The following TRIM36 variants were observed in gnomAD, a reference collection of about 807,000 sequenced individuals.
TRIM36 encodes E3 ubiquitin-protein ligase TRIM36.
In TRIM36, 42 loss-of-function variants were observed where a neutral mutation model predicts 72.4. The ratio of observed to expected loss-of-function variants is 0.58; its 90% CI spans 0.45 to 0.75. The LOEUF is 0.75. Ranked by LOEUF, TRIM36 falls within the 30% of genes least tolerant of loss-of-function variation. The pLI, the probability that TRIM36 is intolerant of heterozygous loss-of-function variation, is 0.00. For synonymous variants in TRIM36, 315 were observed against 282.8 expected (o/e 1.11, Z -1.14); for missense variants, 913 against 857.1 (o/e 1.07, Z -0.81).
chr5:115,172,488 C>T (rs6594880), upstream of TRIM36, among the ~76,000 whole-genome samples: 2,955 of 152,258 alleles, frequency 0.019, 91 homozygotes, highest in African/African-American at 0.067. Context: ...GTAATCCCAG[C>T]GCTTTGGGAG....
intron 9 of TRIM36, 113 bp downstream of exon 9, chr5:115,130,479 A>C: frequency 1.6e-6 from 2 of 1,257,254 alleles, no homozygotes; most frequent in East Asian, 5.0e-5. Flanking sequence ...CCACAGCCAA[A>C]ATACTAGAAT....
rs759060386 is a variant in TRIM36 at position 115,133,996 on chromosome 5, T to G, written c.1362A>C (p.Ile454=). 1 of 1,613,984 alleles carries G rather than the reference T, an allele frequency of 6.2e-7. No homozygotes were observed. Among genetic ancestry groups the G allele is most frequent in the Non-Finnish European group, 8.5e-7 (1 of 1,179,956 alleles). ...NRDDEMSWNE[I]EVCGTSKIIQ... ...TTATTTTACTTGTTCCACACACTTC[T>G]ATCTCATTCCATGACATTTCATCAT... Residue 454 remains isoleucine, a synonymous_variant, in exon 8 of 10, where the codon ATA becomes ATC. Coordinates refer to ENST00000513154, the MANE Select transcript of TRIM36 (RefSeq NM_001300759.2).
At chr5:115,131,550 C>G (rs1279400369) in intron 8 of TRIM36, among the ~76,000 whole-genome samples, 2 of 151,994 alleles carry the variant, frequency 1.3e-5, no homozygotes, top group East Asian at 3.9e-4. Context: ...GGCTGCTAGC[C>G]AATGGGGAAA....
At chr5:115,179,827 TG>T in intron 1 of TRIM36, 1 of 713,452 alleles carries the variant, frequency 1.4e-6, no homozygotes, top group Non-Finnish European at 2.4e-6. Context: ...CCGCAGCTGC[TG>T]GGACGCCCGG....
chr5:115,130,434 A>AT (rs1752613294), intron 9 of TRIM36, among the ~76,000 whole-genome samples, 158 bp downstream of exon 9: 1 of 152,220 alleles, frequency 6.6e-6, no homozygotes, highest in East Asian at 1.9e-4. Context: ...TCAATGTGTG[A>AT]TTACAAGAAT....
chr5:115,170,379 C>T (rs1755048942), upstream of TRIM36, among the ~76,000 whole-genome samples: 1 of 152,220 alleles, frequency 6.6e-6, no homozygotes, highest in African/African-American at 2.4e-5. Context: ...TTCGAAGCCC[C>T]GCTTCCAGGC....
In TRIM36 at chr5:115,126,672, T is replaced by C. The variant is rs1456167316; in HGVS notation, c.1982A>G (p.Asp661Gly). The stretch of plus-strand genomic sequence containing the variant: ...ATCATAGAAATCTACTTTGCCTTTA[T>C]CACAGTCAAGGAAAATCCCAATACT... ...PTSIGIFLDC[D>G]KGKVDFYDMD... Residue 661 changes from aspartate (D) to glycine (G), a missense_variant, in exon 10 of 10, where the codon GAT becomes GGT. Transcript: ENST00000513154. The C allele has an allele frequency of 6.2e-7, 1 of 1,614,202 alleles. No homozygotes were observed. The highest frequency in any genetic ancestry group is 8.5e-7 in the Non-Finnish European group (1 of 1,180,026).
chr5:115,155,790 A>T (rs770504439), intron 2 of TRIM36, among the ~76,000 whole-genome samples: 12 of 152,238 alleles, frequency 7.9e-5, no homozygotes, highest in Non-Finnish European at 1.6e-4. Flanking sequence ...CCCTTCTTCA[A>T]TATAGTACTG....
rs572913711 is a variant in TRIM36, at chr5:115,126,738, G to C, written c.1916C>G (p.Ser639Cys). ...AACTCTATTTTCAGGTTCATTAGAA[G>C]AAGTAGGTGACTTGGGTATAAAAAA... ...QKFFIPKSPT[S>C]SNEPENRVLP... Residue 639 changes from serine (S) to cysteine (C), a missense_variant, in exon 10 of 10, where the codon TCT becomes TGT. Ser to Cys is a moderately radical substitution (Grantham distance 112). Transcript: ENST00000513154. The C allele has an allele frequency of 2.3e-5, 37 of 1,614,144 alleles. No individual in the cohort carries two copies. The South Asian group carries it at 3.7e-4, about 16-fold the overall frequency.
intron 3 of TRIM36, among the ~76,000 whole-genome samples, chr5:115,145,992 A>G (rs1385331409): frequency 6.6e-6 from 1 of 152,236 alleles, no homozygotes; most frequent in African/African-American, 2.4e-5. Flanking sequence ...TACTTGAAAA[A>G]TGAAATGTTT....
intron 5 of TRIM36, among the ~76,000 whole-genome samples, chr5:115,139,845 T>A (rs1753182349): frequency 6.6e-6 from 1 of 152,216 alleles, no homozygotes; most frequent in African/African-American, 2.4e-5. Flanking sequence ...CATGAATACT[T>A]GACACCTAAG....
intron 4 of TRIM36, among the ~76,000 whole-genome samples, chr5:115,141,814 CAA>C (rs983063416): frequency 7.2e-5 from 11 of 152,142 alleles, no homozygotes; most frequent in Middle Eastern, 3.4e-3. Context: ...GGAGTAGCAA[CAA>C]AGAGACTTCC....
At chr5:115,170,197 AG>A (rs557719927), upstream of TRIM36, among the ~76,000 whole-genome samples, 23 of 143,692 alleles carry the variant, frequency 1.6e-4, no homozygotes, top group South Asian at 7.3e-4. Context: ...GGGGGCTCTG[AG>A]GAACGGAAGT....
chr5:115,180,103 C>T lies in TRIM36; in HGVS notation c.-66G>A, dbSNP rs1755551638. 5 of 1,529,696 alleles carry T rather than the reference C, an allele frequency of 3.3e-6. No individual in the cohort carries two copies. In the South Asian group the frequency reaches 5.7e-5, roughly 17 times the overall value. The allele number at this position is 1,529,696 out of a possible 1,614,324, so 94.8% of individuals were successfully genotyped here. A position where few individuals can be genotyped will look rare whatever the true frequency, so the allele number is the denominator to read the frequency against. The stretch of plus-strand genomic sequence containing the variant: ...GTATCGAATTTGTCCTTTCTTTTCT[C>T]TTTTTCTGTTTTTAGTCTGAGTTTT... On this transcript the variant is annotated 5_prime_UTR_variant, in exon 1 of 10. Transcript: ENST00000282369.
At chr5:115,148,047 T>C (rs1294776621) in intron 2 of TRIM36, among the ~76,000 whole-genome samples, 1 of 152,208 alleles carries the variant, frequency 6.6e-6, no homozygotes, top group East Asian at 1.9e-4. Flanking sequence ...AAAAATTCAG[T>C]AGGGAAGATC....
In TRIM36 at chr5:115,125,753, G is replaced by T. The variant is rs1752334743; in HGVS notation, c.*750C>A. On this transcript the variant is annotated 3_prime_UTR_variant, in exon 10 of 10. Transcript: ENST00000513154. ...TAAAGATAAATTTCTCTGAAAAAAA[G>T]TATATAAAGTGAGAAGTTTAATGTG... 1 of 152,058 alleles carries T rather than the reference G, an allele frequency of 6.6e-6. No homozygotes were observed. The highest frequency in any genetic ancestry group is 3.2e-3 in the Middle Eastern group (1 of 316). The allele number at this position is 152,058 out of a possible 1,614,324, so 9.4% of individuals were successfully genotyped here.
At chr5:115,162,878 C>A (rs1280217539) in intron 2 of TRIM36, among the ~76,000 whole-genome samples, 1 of 151,958 alleles carries the variant, frequency 6.6e-6, no homozygotes, top group Non-Finnish European at 1.5e-5. Context: ...TGAATGTTTT[C>A]CTAGTTAGTA....
At chr5:115,159,185 G>A (rs1374789969) in intron 2 of TRIM36, among the ~76,000 whole-genome samples, 1 of 151,952 alleles carries the variant, frequency 6.6e-6, no homozygotes, top group Non-Finnish European at 1.5e-5. Flanking sequence ...CATCAACAAA[G>A]AAAAGACTCT....
rs1211857333 is a variant in TRIM36, at chr5:115,130,578, A to G, written c.1796+14T>C. The G allele has an allele frequency of 3.7e-6, 6 of 1,608,550 alleles. No homozygotes were observed. The highest frequency in any genetic ancestry group is 5.1e-6 in the Non-Finnish European group (6 of 1,177,382). On this transcript the variant is annotated intron_variant, in intron 9 of 9. Transcript: ENST00000513154. ...TAAAAAATTATCAAGTTCTAGATCA[A>G]TACAAAAACCTACCTTGGACTAACT...
Sources: gnomAD v4.1 joint callset for allele counts (sites outside exome capture counted in the v4.1 genomes callset) on GRCh38, gnomAD v4.1.1 for gene constraint, MANE v1.5 for transcripts, NCBI Gene and HGNC (gene_info 2026-07-23, HGNC 2026-07-21) for gene names.